Variants in ANKS1B observed in about 807,000 individuals in gnomAD.
ANKS1B encodes ankyrin repeat and sterile alpha motif domain-containing protein 1B.
ANKS1B carries 36 observed loss-of-function variants against 148.3 expected under a neutral mutation model. That is an observed-to-expected ratio of 0.24 (90% CI 0.19 to 0.32). The LOEUF (loss-of-function observed/expected upper bound fraction) is 0.32. Among genes scored for constraint, ANKS1B ranks in the 10% least tolerant of loss-of-function variants. The probability of loss-of-function intolerance (pLI) is 1.00; values close to 1 mark genes in which losing one functional copy is unlikely to be tolerated. For synonymous variants in ANKS1B, 542 were observed against 560.8 expected, an observed-to-expected ratio of 0.97 and a Z score of 0.47; for missense variants, 1,157 against 1,542.6, an observed-to-expected ratio of 0.75 and a Z score of 4.19.
At chr12:99,243,022 C>T (rs1284047128) in intron 14 of ANKS1B, among the ~76,000 whole-genome samples, 1 of 152,124 alleles carries the variant, frequency 6.6e-6, no homozygotes, top group Non-Finnish European at 1.5e-5. Flanking sequence ...GCAATGGCAA[C>T]AAAAGCCAGA....
rs140962419 is a variant in ANKS1B at position 99,120,293 on chromosome 12, A to T, written c.2526+33996T>A. ...AGACAGTGACCCGGGCTGGGAGTCA[A>T]TTTTTTTTCTTATCAACATCATAAG... On this transcript the variant is annotated intron_variant, in intron 15 of 26. Coordinates refer to ENST00000683438, the MANE Select transcript of ANKS1B (RefSeq NM_001352186.2). Among the ~76,000 whole-genome samples the T allele has an allele frequency of 1.4e-3, 214 of 152,126 alleles. 4 individuals are homozygous for T. In the East Asian group the frequency reaches 0.024, roughly 17 times the overall value.
intron 15 of ANKS1B, among the ~76,000 whole-genome samples, chr12:99,143,442 T>G (rs915869942): frequency 6.6e-6 from 1 of 152,130 alleles, no homozygotes; most frequent in Non-Finnish European, 1.5e-5. Context: ...CTAGGTTGTC[T>G]GAAATGAAGT....
chr12:99,231,232 A>G (rs574728789), intron 14 of ANKS1B, among the ~76,000 whole-genome samples: 26 of 152,204 alleles, frequency 1.7e-4, no homozygotes, highest in African/African-American at 6.0e-4. Flanking sequence ...GTGGGGTGTT[A>G]GCTGAAGCCT....
intron 9 of ANKS1B, among the ~76,000 whole-genome samples, chr12:99,522,819 G>A (rs1230558450): frequency 6.6e-6 from 1 of 152,170 alleles, no homozygotes; most frequent in Non-Finnish European, 1.5e-5. Flanking sequence ...ACTCTTCAGT[G>A]CTAATTAGTA....
intron 22 of ANKS1B, among the ~76,000 whole-genome samples, chr12:98,782,919 T>G (rs986213367): frequency 3.3e-5 from 5 of 152,188 alleles, no homozygotes; most frequent in African/African-American, 1.2e-4. Flanking sequence ...GCAAGACACA[T>G]CAAAGGCAGG....
At chr12:99,422,410 T>C (rs531246838) in intron 11 of ANKS1B, among the ~76,000 whole-genome samples, 6 of 152,288 alleles carry the variant, frequency 3.9e-5, no homozygotes, top group African/African-American at 1.2e-4. Context: ...TATGAAGAAA[T>C]AGAACTTCCT....
chr12:99,961,209 G>T (rs1390420715), intron 1 of ANKS1B, among the ~76,000 whole-genome samples: 1 of 151,484 alleles, frequency 6.6e-6, no homozygotes, highest in Admixed American at 6.6e-5. Context: ...AGCCTGGGCA[G>T]CAGAGTGAGA....
At chr12:99,956,868 A>G (rs992687743) in intron 1 of ANKS1B, among the ~76,000 whole-genome samples, 1 of 152,240 alleles carries the variant, frequency 6.6e-6, no homozygotes, top group African/African-American at 2.4e-5. Context: ...AGCAGAAAGC[A>G]TCCACCTGGT....
intron 12 of ANKS1B, among the ~76,000 whole-genome samples, chr12:99,395,223 C>T (rs2094206115): frequency 6.6e-6 from 1 of 152,134 alleles, no homozygotes; most frequent in African/African-American, 2.4e-5. Flanking sequence ...CCATGATCGA[C>T]ATTATAGCCA....
intron 17 of ANKS1B, among the ~76,000 whole-genome samples, chr12:99,028,796 G>C (rs2099950318): frequency 6.6e-6 from 1 of 152,058 alleles, no homozygotes; most frequent in Admixed American, 6.6e-5. Context: ...ATGACGAACT[G>C]GCTCCTTTTT....
chr12:99,236,397 A>G (rs2087936298), intron 14 of ANKS1B, among the ~76,000 whole-genome samples: 1 of 152,154 alleles, frequency 6.6e-6, no homozygotes, highest in African/African-American at 2.4e-5. Context: ...GAAACTTACA[A>G]TCATGGTGGA....
chr12:99,533,574 A>G (rs2097026753), intron 9 of ANKS1B, among the ~76,000 whole-genome samples: 1 of 152,202 alleles, frequency 6.6e-6, no homozygotes, highest in African/African-American at 2.4e-5. Flanking sequence ...ACTGTGCTGA[A>G]TAGAAGTGAT....
intron 1 of ANKS1B, among the ~76,000 whole-genome samples, chr12:99,898,678 G>A (rs879299682): frequency 7.2e-5 from 11 of 152,142 alleles, no homozygotes; most frequent in Non-Finnish European, 1.2e-4. Context: ...CAACGATGAA[G>A]AAAGCAAAGA....
At chr12:98,927,939 G>T (rs1039734371) in intron 17 of ANKS1B, among the ~76,000 whole-genome samples, 1 of 150,792 alleles carries the variant, frequency 6.6e-6, no homozygotes, top group African/African-American at 2.4e-5. Context: ...AATAAGAGTA[G>T]AAATAAATAA....
chr12:99,213,836 C>A (rs563528845), intron 14 of ANKS1B, among the ~76,000 whole-genome samples: 1 of 152,222 alleles, frequency 6.6e-6, no homozygotes, highest in East Asian at 1.9e-4. Flanking sequence ...TCAAATACAC[C>A]AGCAATAACA....
intron 17 of ANKS1B, among the ~76,000 whole-genome samples, chr12:98,906,825 GT>G (rs1237701283): frequency 6.6e-6 from 1 of 152,100 alleles, no homozygotes; most frequent in Non-Finnish European, 1.5e-5. Flanking sequence ...ATATTCATTT[GT>G]TTTTTAAATA....
At chr12:98,915,405 A>G (rs200792) in intron 17 of ANKS1B, among the ~76,000 whole-genome samples, 62,694 of 152,004 alleles carry the variant, frequency 0.41, 15,705 homozygotes, top group African/African-American at 0.71. Context: ...AGGCAGGAGT[A>G]CAGTGGTGTG....
intron 9 of ANKS1B, among the ~76,000 whole-genome samples, chr12:99,530,705 T>G (rs1041319455): frequency 6.6e-6 from 1 of 152,186 alleles, no homozygotes; most frequent in African/African-American, 2.4e-5. Flanking sequence ...GGTTAGTATC[T>G]GTATGGATTT....
intron 8 of ANKS1B, among the ~76,000 whole-genome samples, chr12:99,702,264 A>G (rs1295244938): frequency 6.6e-6 from 1 of 151,926 alleles, no homozygotes; most frequent in Non-Finnish European, 1.5e-5. Context: ...CTCATTGCGG[A>G]TTTATTTGCA....
Sources: gnomAD v4.1 joint callset for allele counts (sites outside exome capture counted in the v4.1 genomes callset) on GRCh38, gnomAD v4.1.1 for gene constraint, MANE v1.5 for transcripts, NCBI Gene and HGNC (gene_info 2026-07-23, HGNC 2026-07-21) for gene names.